The following EIF4G3 variants were observed in gnomAD, a reference collection of about 807,000 sequenced individuals.
The protein encoded by EIF4G3 is eIF-4-gamma 3.
Under a neutral mutation model 186.4 loss-of-function variants are expected in EIF4G3, and 34 were observed. That is an observed-to-expected ratio of 0.18 (90% CI 0.14 to 0.24). The LOEUF is 0.24. EIF4G3 is among the 10% of genes least tolerant of loss of function. The pLI, the probability that EIF4G3 is intolerant of heterozygous loss-of-function variation, is 1.00. For synonymous variants in EIF4G3, 673 were observed against 679.5 expected, an observed-to-expected ratio of 0.99 and a Z score of 0.15; for missense variants, 1,536 against 1,948.5, an observed-to-expected ratio of 0.79 and a Z score of 3.99.
rs2063981415 is a variant in EIF4G3 at position 20,827,715 on chromosome 1, C to A, written c.4188-17G>T. On this transcript the variant is annotated splice_polypyrimidine_tract_variant and intron_variant, in intron 31 of 36. Transcript: ENST00000602326. Reference sequence around the variant, plus strand: ...CTAAATTCTCTGTAAAAGATAGGAGCAGTGATTAAGTATCTCTAAAGAAAT... The same window carrying A: ...CTAAATTCTCTGTAAAAGATAGGAGAAGTGATTAAGTATCTCTAAAGAAAT... 1 of 1,552,722 alleles carries A rather than the reference C, an allele frequency of 6.4e-7. No individual in the cohort carries two copies. Among genetic ancestry groups the A allele is most frequent in the African/African-American group, 1.4e-5 (1 of 73,700 alleles).
chr1:20,825,736 A>C (rs1019419342), intron 32 of EIF4G3, among the ~76,000 whole-genome samples: 1 of 152,232 alleles, frequency 6.6e-6, no homozygotes, highest in African/African-American at 2.4e-5. Context: ...AAGAAGCCTC[A>C]CTAGAATCCC....
chr1:21,076,850 C>CA (rs2095604558), intron 3 of EIF4G3, among the ~76,000 whole-genome samples: 1 of 151,996 alleles, frequency 6.6e-6, no homozygotes, highest in Non-Finnish European at 1.5e-5. Context: ...TACAAGAAAA[C>CA]ACCAAGGAAA....
intron 12 of EIF4G3, among the ~76,000 whole-genome samples, chr1:20,962,269 C>T (rs1327289779): frequency 6.6e-6 from 1 of 152,096 alleles, no homozygotes; most frequent in Non-Finnish European, 1.5e-5. Flanking sequence ...TGACTGAAAG[C>T]CTTACCGATA....
At position 20,843,258 on chromosome 1, in the gene EIF4G3, G is replaced by C. The variant is rs79995112; in HGVS notation, c.3889-2230C>G. Among the ~76,000 whole-genome samples the C allele has an allele frequency of 0.018, 2,698 of 151,766 alleles. 89 individuals are homozygous for C. In the East Asian group the frequency reaches 0.19, roughly 11 times the overall value. Reference sequence around the variant, plus strand: ...AGGCTGGAAGCGGTGGCTCACACCTGTAATCCCAGCACGTTGGGAGGCCAA... The same window carrying C: ...AGGCTGGAAGCGGTGGCTCACACCTCTAATCCCAGCACGTTGGGAGGCCAA... On this transcript the variant is annotated intron_variant, in intron 29 of 36. Transcript: ENST00000602326.
intron 14 of EIF4G3, among the ~76,000 whole-genome samples, chr1:20,934,387 T>C (rs562531653): frequency 6.6e-6 from 1 of 152,144 alleles, no homozygotes; most frequent in South Asian, 2.1e-4. Context: ...GTCTCTGGCA[T>C]GAGACAGACA....
intron 3 of EIF4G3, among the ~76,000 whole-genome samples, chr1:21,057,444 A>G (rs1299213187): frequency 6.6e-6 from 1 of 152,212 alleles, no homozygotes; most frequent in African/African-American, 2.4e-5. Context: ...AAAACCGGCA[A>G]AACTTGACCG....
chr1:21,000,828 A>G (rs2083353763), intron 6 of EIF4G3, among the ~76,000 whole-genome samples: 1 of 152,192 alleles, frequency 6.6e-6, no homozygotes, highest in Non-Finnish European at 1.5e-5. Context: ...GACCACAGAA[A>G]AATGGCTGAC....
chr1:20,854,980 G>A lies in EIF4G3; in HGVS notation c.3431C>T (p.Thr1144Ile), dbSNP rs1571708001. ...TGAGAAGGGACACACACACTTACCA[G>A]TCTCACTTGCCTTTGCTCCACCACT... ...GSSGGAKASE[T>I]DALRSSASSL... Residue 1144 changes from threonine to isoleucine, a missense_variant and splice_region_variant, in exon 26 of 37, where the codon ACT becomes ATT. Thr to Ile is a moderately conservative substitution (Grantham distance 89). Coordinates refer to ENST00000602326, the MANE Select transcript of EIF4G3 (RefSeq NM_001391906.1). 6.2e-7 allele frequency: 1 copy of A among 1,613,230 alleles called. No individual in the cohort carries two copies.
intron 4 of EIF4G3, among the ~76,000 whole-genome samples, chr1:21,009,933 G>A (rs10465539): frequency 5.1e-4 from 78 of 152,116 alleles, no homozygotes; most frequent in African/African-American, 1.8e-3. Context: ...GATTACAGAC[G>A]TGAGCCACCC....
At chr1:20,892,974 C>G in intron 18 of EIF4G3, 1 of 458,774 alleles carries the variant, frequency 2.2e-6, no homozygotes, top group Non-Finnish European at 3.9e-6. Context: ...GTGGCATGAT[C>G]ATGGCTCACT....
At chr1:20,808,352 AG>A (rs1191313294) in intron 36 of EIF4G3, among the ~76,000 whole-genome samples, 5 of 152,112 alleles carry the variant, frequency 3.3e-5, no homozygotes, top group African/African-American at 9.7e-5. Context: ...GGAGAAAGGC[AG>A]GATATGCTTT....
At chr1:21,085,824 G>A (rs1177412181) in intron 3 of EIF4G3, among the ~76,000 whole-genome samples, 1 of 152,052 alleles carries the variant, frequency 6.6e-6, no homozygotes, top group Non-Finnish European at 1.5e-5. Flanking sequence ...CTCCCGAATA[G>A]CTGGGACTAC....
At chr1:21,066,253 C>A (rs910665315) in intron 3 of EIF4G3, among the ~76,000 whole-genome samples, 1 of 149,062 alleles carries the variant, frequency 6.7e-6, no homozygotes, top group Non-Finnish European at 1.5e-5. Context: ...GGATGAGGGG[C>A]CAGGCCCTGC....
intron 6 of EIF4G3, among the ~76,000 whole-genome samples, chr1:20,998,212 T>TAC (rs5772928): frequency 0.17 from 24,538 of 148,172 alleles, 2,257 homozygotes; most frequent in Non-Finnish European, 0.22. Flanking sequence ...TTTATGACTT[T>TAC]ACACACACAC....
chr1:20,935,002 A>T (rs2095473028), intron 14 of EIF4G3, among the ~76,000 whole-genome samples: 1 of 152,172 alleles, frequency 6.6e-6, no homozygotes, highest in South Asian at 2.1e-4. Flanking sequence ...CTCATTCATA[A>T]ATCTCAAGTG....
At chr1:20,990,489 A>T (rs2080840418) in intron 7 of EIF4G3, among the ~76,000 whole-genome samples, 1 of 152,182 alleles carries the variant, frequency 6.6e-6, no homozygotes, top group Non-Finnish European at 1.5e-5. Flanking sequence ...CCTGGCCAAC[A>T]TGGTGAAACC....
At chr1:20,900,324 T>C (rs956944741) in intron 15 of EIF4G3, among the ~76,000 whole-genome samples, 8 of 151,986 alleles carry the variant, frequency 5.3e-5, no homozygotes, top group African/African-American at 1.9e-4. Context: ...AAAGAAACAC[T>C]GGAGGGTATT....
intron 2 of EIF4G3, among the ~76,000 whole-genome samples, chr1:21,128,064 G>A (rs913432284): frequency 7.9e-5 from 12 of 152,018 alleles, no homozygotes; most frequent in East Asian, 5.8e-4. Context: ...AAAATTAGCC[G>A]GGCGTGGTGG....
At chr1:20,909,485 C>T (rs1380509005) in intron 14 of EIF4G3, among the ~76,000 whole-genome samples, 2 of 152,068 alleles carry the variant, frequency 1.3e-5, no homozygotes, top group African/African-American at 4.8e-5. Context: ...TAAAAAGATA[C>T]ACCCATTGAA....
Sources: allele counts gnomAD v4.1 joint callset (sites outside exome capture counted in the v4.1 genomes callset), GRCh38; gene constraint gnomAD v4.1.1; transcripts MANE v1.5; gene names NCBI Gene and HGNC (gene_info 2026-07-23, HGNC 2026-07-21).